SOBP: variants seen among roughly 807,000 people sequenced by gnomAD.
SOBP encodes the protein sine oculis binding protein homolog, also known as sine oculis-binding protein homolog.
SOBP carries 4 observed loss-of-function variants against 53.6 expected under a neutral mutation model. The ratio of observed to expected loss-of-function variants is 0.07; its 90% CI spans 0.04 to 0.17. The LOEUF is 0.17. SOBP is among the 10% of genes least tolerant of loss of function. The pLI is 1.00. For missense variants in SOBP, 1,088 were observed against 1,204.7 expected, an observed-to-expected ratio of 0.90 and a Z score of 1.43; for synonymous variants, 584 against 522.6, an observed-to-expected ratio of 1.12 and a Z score of -1.60.
chr6:107,534,047 T>G (rs1783920584), intron 4 of SOBP, among the ~76,000 whole-genome samples: 1 of 152,252 alleles, frequency 6.6e-6, no homozygotes, highest in South Asian at 2.1e-4. Flanking sequence ...ATTGCTCTTT[T>G]CAAAATCTGG....
At chr6:107,642,304 A>G (rs1771363337) in intron 6 of SOBP, among the ~76,000 whole-genome samples, 1 of 152,332 alleles carries the variant, frequency 6.6e-6, no homozygotes, top group East Asian at 1.9e-4. Context: ...AGGGAGGGGA[A>G]GTACACACAC....
intron 4 of SOBP, among the ~76,000 whole-genome samples, chr6:107,544,083 GGGAGCTAGATGCTTT>G (rs1784228316): frequency 1.3e-5 from 2 of 152,172 alleles, no homozygotes; most frequent in Admixed American, 6.5e-5. Flanking sequence ...ATTGGATGTG[GGGAGCTAGATGCTTT>G]GGAGTAGAAG....
intron 3 of SOBP, among the ~76,000 whole-genome samples, chr6:107,522,875 A>G (rs932815208): frequency 5.3e-5 from 8 of 152,066 alleles, no homozygotes; most frequent in Admixed American, 2.6e-4. Context: ...CCTGGTGATT[A>G]ATCAGAATGT....
intron 4 of SOBP, among the ~76,000 whole-genome samples, chr6:107,550,751 T>G (rs1270742953): frequency 6.6e-6 from 1 of 152,128 alleles, no homozygotes; most frequent in Non-Finnish European, 1.5e-5. Context: ...AAAAAAGATG[T>G]GAGTCAGGAA....
intron 4 of SOBP, among the ~76,000 whole-genome samples, chr6:107,558,797 T>C (rs1470932086): frequency 6.6e-6 from 1 of 152,080 alleles, no homozygotes; most frequent in Non-Finnish European, 1.5e-5. Context: ...AAATTTAAGT[T>C]ATTCTAGTGA....
At chr6:107,491,109 C>T (rs1473833748) in intron 1 of SOBP, among the ~76,000 whole-genome samples, 3 of 152,120 alleles carry the variant, frequency 2.0e-5, no homozygotes, top group Non-Finnish European at 4.4e-5. Flanking sequence ...CTGGCCGGGG[C>T]ACCCCGGAGA....
At chr6:107,628,884 G>A (rs982902589) in intron 5 of SOBP, among the ~76,000 whole-genome samples, 1 of 152,152 alleles carries the variant, frequency 6.6e-6, no homozygotes, top group African/African-American at 2.4e-5. Context: ...TCAGTCTGAG[G>A]CCCTCAGCTC....
rs960669275 is a variant in SOBP at position 107,506,494 on chromosome 6, A to G, written c.421+67A>G. 8.4e-6 allele frequency: 13 copies of G among 1,555,622 alleles called. No homozygotes were observed. The African/African-American group carries it at 1.5e-4, about 18-fold the overall frequency. ...AAGTTGTTTTAACCATCTTAGGAAT[A>G]ATTATTAAATGCTCAAGTTAACTTT... On this transcript the variant is annotated intron_variant, in intron 3 of 6. Coordinates refer to ENST00000317357, the MANE Select transcript of SOBP (RefSeq NM_018013.4).
intron 4 of SOBP, among the ~76,000 whole-genome samples, chr6:107,578,587 G>C (rs1187071327): frequency 6.6e-6 from 1 of 152,144 alleles, no homozygotes; most frequent in Non-Finnish European, 1.5e-5. Context: ...GATAATGATA[G>C]TACCTACTTC....
chr6:107,595,931 T>A (rs569620408), intron 5 of SOBP, among the ~76,000 whole-genome samples: 2 of 152,344 alleles, frequency 1.3e-5, no homozygotes, highest in South Asian at 4.1e-4. Context: ...ATAATGTATT[T>A]CATTGCATTT....
chr6:107,537,517 C>A (rs1388119158), intron 4 of SOBP, among the ~76,000 whole-genome samples: 1 of 152,146 alleles, frequency 6.6e-6, no homozygotes, highest in Non-Finnish European at 1.5e-5. Flanking sequence ...CTTCCTTGTT[C>A]TAGTTTTTTA....
At chr6:107,518,621 C>A (rs1237691337) in intron 3 of SOBP, among the ~76,000 whole-genome samples, 1 of 152,070 alleles carries the variant, frequency 6.6e-6, no homozygotes, top group Non-Finnish European at 1.5e-5. Context: ...TGGGAACAAC[C>A]CAAATGTTCA....
At chr6:107,574,376 G>A (rs1010162525) in intron 4 of SOBP, among the ~76,000 whole-genome samples, 7 of 152,254 alleles carry the variant, frequency 4.6e-5, no homozygotes, top group Admixed American at 4.6e-4. Context: ...AAGAACCATA[G>A]GAAGAGGTTT....
At chr6:107,572,055 AG>A (rs1785088206) in intron 4 of SOBP, among the ~76,000 whole-genome samples, 1 of 152,206 alleles carries the variant, frequency 6.6e-6, no homozygotes, top group South Asian at 2.1e-4. Flanking sequence ...CAGCTGACTC[AG>A]GGAGGGGAGT....
At chr6:107,617,471 A>G (rs185032236) in intron 5 of SOBP, among the ~76,000 whole-genome samples, 21 of 152,328 alleles carry the variant, frequency 1.4e-4, no homozygotes, top group African/African-American at 4.8e-4. Context: ...ACTGTTGGTG[A>G]TCATCAAAGA....
In SOBP at chr6:107,490,499, C is replaced by T. The variant is rs1297172977; in HGVS notation, c.-118C>T. 1.1e-5 allele frequency: 8 copies of T among 745,038 alleles called. No homozygotes were observed. The highest frequency in any genetic ancestry group is 1.6e-5 in the Non-Finnish European group (7 of 428,916). 46.2% of individuals were successfully genotyped at this position (745,038 alleles called of 1,614,324 possible). A position where few individuals can be genotyped will look rare whatever the true frequency, so the allele number is the denominator to read the frequency against. On this transcript the variant is annotated 5_prime_UTR_variant, in exon 1 of 7. Coordinates refer to ENST00000317357, the MANE Select transcript of SOBP (RefSeq NM_018013.4). Reference sequence around the variant, plus strand: ...CGGCTCGGTCCGGCCCCGCCAGCACCGCTACCTCCGCCAGCCTCGCCACCA... The same window carrying T: ...CGGCTCGGTCCGGCCCCGCCAGCACTGCTACCTCCGCCAGCCTCGCCACCA...
At chr6:107,601,732 C>G (rs116499979) in intron 5 of SOBP, among the ~76,000 whole-genome samples, 1 of 152,270 alleles carries the variant, frequency 6.6e-6, no homozygotes, top group African/African-American at 2.4e-5. Flanking sequence ...ATAGAATAAT[C>G]ATACTTCTTT....
chr6:107,620,847 T>C (rs1786977396), intron 5 of SOBP, among the ~76,000 whole-genome samples: 1 of 152,236 alleles, frequency 6.6e-6, no homozygotes, highest in African/African-American at 2.4e-5. Flanking sequence ...AGCTCTGTTA[T>C]GCTCATTTCT....
chr6:107,496,864 T>C (rs1215867546), intron 1 of SOBP, among the ~76,000 whole-genome samples: 19 of 152,234 alleles, frequency 1.2e-4, no homozygotes. Flanking sequence ...AATATTTCTT[T>C]TGCACTATTT....
Sources: gnomAD v4.1 joint callset for allele counts (sites outside exome capture counted in the v4.1 genomes callset) on GRCh38, gnomAD v4.1.1 for gene constraint, MANE v1.5 for transcripts, NCBI Gene and HGNC (gene_info 2026-07-23, HGNC 2026-07-21) for gene names.